Variants in QDPR observed in about 807,000 individuals in gnomAD.
QDPR encodes the protein quinoid dihydropteridine reductase.
A neutral mutation model predicts 31.7 loss-of-function variants in QDPR; 23 were observed. That is an observed-to-expected ratio of 0.73 (90% confidence interval 0.52 to 1.03). QDPR has a LOEUF of 1.03. Ranked by LOEUF, QDPR falls within the 50% of genes least tolerant of loss-of-function variation. QDPR has a pLI of 0.00. For synonymous variants in QDPR, 124 were observed against 124.7 expected, an observed-to-expected ratio of 0.99 and a Z score of 0.03; for missense variants, 324 against 323.8, an observed-to-expected ratio of 1.00 and a Z score of 0.00.
At chr4:17,489,307 G>A (rs149237293) in intron 6 of QDPR, among the ~76,000 whole-genome samples, 1 of 152,194 alleles carries the variant, frequency 6.6e-6, no homozygotes. Context: ...TCCTCTGTGG[G>A]TCTGTGGCTC....
rs377243912 is a variant in QDPR at position 17,487,100 on chromosome 4, G to A, written c.*31C>T. On this transcript the variant is annotated 3_prime_UTR_variant, in exon 7 of 7. Coordinates refer to ENST00000281243, the MANE Select transcript of QDPR (RefSeq NM_000320.3). Reference sequence around the variant, plus strand: ...ACTGAGACAGGTTAGTGACTTTTCTGGCAGGCCCCTCATAGGCACTGAGAT... The same window carrying A: ...ACTGAGACAGGTTAGTGACTTTTCTAGCAGGCCCCTCATAGGCACTGAGAT... 1.4e-4 allele frequency: 225 copies of A among 1,563,872 alleles called. No individual in the cohort carries two copies. The highest frequency in any genetic ancestry group is 3.7e-4 in the Middle Eastern group (2 of 5,390).
At position 17,510,847 on chromosome 4, in the gene QDPR, G is replaced by A. The variant is rs941831452; in HGVS notation, c.105+1103C>T. On this transcript the variant is annotated intron_variant, in intron 1 of 6. Transcript: ENST00000281243. ...TGCATCTCTGAAGACCTGGGAAAGC[G>A]CCCTCATCAGTGTCCCCAAGCACTG... Among the ~76,000 whole-genome samples the A allele has an allele frequency of 5.3e-5, 8 of 152,290 alleles. No individual in the cohort carries two copies. The East Asian group carries it at 1.5e-3, about 29-fold the overall frequency.
Position 17,492,158 on chromosome 4 carries a change from C to T in QDPR, c.545+74G>A, listed in dbSNP as rs546838903. On this transcript the variant is annotated intron_variant, in intron 5 of 6. Transcript: ENST00000281243. The stretch of plus-strand genomic sequence containing the variant: ...GCACACCCAGGTCGCCTGTGGAAAG[C>T]TACAGTCAGACAAACGGTCACCTGC... The T allele has an allele frequency of 2.9e-4, 381 of 1,324,816 alleles. 2 individuals carry two copies. In the South Asian group the frequency reaches 4.4e-3, roughly 15 times the overall value. The allele number at this position is 1,324,816 out of a possible 1,614,324, so 82.1% of individuals were successfully genotyped here.
intron 1 of QDPR, among the ~76,000 whole-genome samples, chr4:17,510,914 T>G (rs147111162): frequency 6.6e-6 from 1 of 152,200 alleles, no homozygotes; most frequent in East Asian, 1.9e-4. Flanking sequence ...ACTGAATTCT[T>G]CAGAAGCATA....
chr4:17,505,005 G>A (rs1465468580), intron 2 of QDPR, among the ~76,000 whole-genome samples: 1 of 152,094 alleles, frequency 6.6e-6, no homozygotes, highest in Non-Finnish European at 1.5e-5. Context: ...ACAGTCAATA[G>A]CAATATGTTG....
At chr4:17,499,482 A>C (rs1304526442) in intron 4 of QDPR, among the ~76,000 whole-genome samples, 1 of 152,236 alleles carries the variant, frequency 6.6e-6, no homozygotes, top group Non-Finnish European at 1.5e-5. Flanking sequence ...GATCTCAACC[A>C]ACCAGACAGC....
At chr4:17,510,234 T>C (rs989712341) in intron 1 of QDPR, among the ~76,000 whole-genome samples, 2 of 152,208 alleles carry the variant, frequency 1.3e-5, no homozygotes, top group Admixed American at 6.5e-5. Flanking sequence ...GACTTTAGGA[T>C]TGGAAATCAG....
chr4:17,502,954 G>A (rs927563033), intron 3 of QDPR, among the ~76,000 whole-genome samples: 2 of 152,174 alleles, frequency 1.3e-5, no homozygotes, highest in African/African-American at 4.8e-5. Context: ...CATCAAATTT[G>A]GCATCCCTAA....
chr4:17,510,892 G>A (rs1288459099), intron 1 of QDPR, among the ~76,000 whole-genome samples: 1 of 152,168 alleles, frequency 6.6e-6, no homozygotes, highest in African/African-American at 2.4e-5. Flanking sequence ...GTGGCAGGAA[G>A]GGAGTGGTGT....
intron 1 of QDPR, 135 bp downstream of exon 1, chr4:17,511,815 G>A (rs1328974532): frequency 7.2e-6 from 6 of 829,518 alleles, no homozygotes; most frequent in Admixed American, 4.9e-5. Context: ...AGACCTGTGC[G>A]CGCACGTGCA....
intron 3 of QDPR, 125 bp from the exon 4 acceptor site, chr4:17,501,984 G>T: frequency 1.7e-6 from 2 of 1,159,590 alleles, no homozygotes; most frequent in Non-Finnish European, 1.3e-6. Flanking sequence ...TCTACAGCAA[G>T]GTCTAACACA....
intron 4 of QDPR, among the ~76,000 whole-genome samples, chr4:17,497,076 T>G (rs988353117): frequency 1.3e-5 from 2 of 152,096 alleles, no homozygotes; most frequent in Non-Finnish European, 2.9e-5. Flanking sequence ...AAAAAGTATG[T>G]GAATGTGACA....
In QDPR at chr4:17,501,730, T is replaced by C. The variant is rs138542030; in HGVS notation, c.425A>G (p.Asp142Gly). The change falls in exon 4 of 7, where the codon GAT becomes GGT. Residue 142 changes from aspartate (D) to glycine (G), a missense_variant. Physicochemically the swap from Asp to Gly is moderately conservative, Grantham distance 94 (BLOSUM62 -1). Transcript: ENST00000281243. Reference sequence around the variant, plus strand: ...AAATAAAGGCTTACCAGGAGTCCCATCCAGGGCAGCCTTTGCGCCAGCCAA... The same window carrying C: ...AAATAAAGGCTTACCAGGAGTCCCACCCAGGGCAGCCTTTGCGCCAGCCAA... ...LTLAGAKAAL[D>G]GTPGMIGYGM... 2.0e-4 allele frequency: 330 copies of C among 1,613,908 alleles called. No individual in the cohort carries two copies. The highest frequency in any genetic ancestry group is 2.7e-4 in the Non-Finnish European group (316 of 1,180,028).
intron 4 of QDPR, among the ~76,000 whole-genome samples, chr4:17,494,002 T>C: frequency 6.6e-6 from 1 of 152,090 alleles, no homozygotes; most frequent in East Asian, 1.9e-4. Flanking sequence ...TCAATGAAGG[T>C]TTCCCATCAA....
rs1337973209 is a variant in QDPR at position 17,487,162 on chromosome 4, C to T, written c.704G>A (p.Gly235Glu). 1 of 1,614,118 alleles carries T rather than the reference C, an allele frequency of 6.2e-7. No homozygotes were observed. Among genetic ancestry groups the T allele is most frequent in the South Asian group, 1.1e-5 (1 of 91,080 alleles). ...GSLIQVVTTE[G>E]RTELTPAYF ...ATATGCTGGGGTGAGTTCCGTCCTTCCTTCTGTGGTTACCACCTGGATTAG... is the reference window on the plus strand; with the variant it reads ...ATATGCTGGGGTGAGTTCCGTCCTTTCTTCTGTGGTTACCACCTGGATTAG... The change falls in exon 7 of 7, where the codon GGA (glycine) becomes GAA (glutamate). Residue 235 changes from glycine (G) to glutamate (E), a missense_variant. By Grantham distance (98) the Gly-to-Glu change is moderately conservative. Transcript: ENST00000281243.
Position 17,492,349 on chromosome 4 carries a change from T to C in QDPR, c.437-9A>G, listed in dbSNP as rs1408488593. 7 of 1,612,262 alleles carry C rather than the reference T, an allele frequency of 4.3e-6. No homozygotes were observed. Among genetic ancestry groups the C allele is most frequent in the Non-Finnish European group, 5.1e-6 (6 of 1,178,448 alleles). ...GCCGTACCCGATCATACCTGGGAAA[T>C]GGGGAGAAGATGGCTCAGTGACCAC... On this transcript the variant is annotated splice_polypyrimidine_tract_variant and intron_variant, in intron 4 of 6. Transcript: ENST00000281243.
At chr4:17,509,856 C>A in intron 1 of QDPR, 1 of 433,656 alleles carries the variant, frequency 2.3e-6, no homozygotes, top group Non-Finnish European at 4.7e-6. Flanking sequence ...TCCACATTCA[C>A]CTCTAAAACA....
intron 5 of QDPR, 54 bp from the exon 6 acceptor site, chr4:17,490,799 G>A (rs1462622747): frequency 2.1e-6 from 3 of 1,454,224 alleles, no homozygotes; most frequent in Non-Finnish European, 1.9e-6. Flanking sequence ...CTAACAACAG[G>A]TGCCCAGTCC....
chr4:17,502,256 A>C (rs960957898), intron 3 of QDPR, among the ~76,000 whole-genome samples: 6 of 152,250 alleles, frequency 3.9e-5, no homozygotes, highest in African/African-American at 1.4e-4. Context: ...ATTACTGTAC[A>C]GCTATAAAGA....
Sources: gnomAD v4.1 joint callset for allele counts (sites outside exome capture counted in the v4.1 genomes callset) on GRCh38, gnomAD v4.1.1 for gene constraint, MANE v1.5 for transcripts, NCBI Gene and HGNC (gene_info 2026-07-23, HGNC 2026-07-21) for gene names.